ANO6: variants seen among roughly 807,000 people sequenced by gnomAD.
The protein encoded by ANO6 is anoctamin 6.
A neutral mutation model predicts 117.5 loss-of-function variants in ANO6; 106 were observed. The observed-to-expected ratio is 0.90, with a 90% CI of 0.77 to 1.06. ANO6 has a LOEUF of 1.06. ANO6 is among the 50% of genes least tolerant of loss of function. The probability of loss-of-function intolerance (pLI) is 0.00; values close to 1 mark genes in which losing one functional copy is unlikely to be tolerated. For missense variants in ANO6, 955 were observed against 1,121.1 expected, an observed-to-expected ratio of 0.85 and a Z score of 2.12; for synonymous variants, 367 against 385.1, an observed-to-expected ratio of 0.95 and a Z score of 0.55.
intron 6 of ANO6, among the ~76,000 whole-genome samples, chr12:45,349,752 A>T (rs536490640): frequency 6.6e-6 from 1 of 152,332 alleles, no homozygotes; most frequent in South Asian, 2.1e-4. Flanking sequence ...TGATCCTAAG[A>T]GACCCAATGT....
intron 9 of ANO6, among the ~76,000 whole-genome samples, chr12:45,376,009 G>GA (rs1234131236): frequency 6.7e-6 from 1 of 149,788 alleles, no homozygotes; most frequent in Non-Finnish European, 1.5e-5. Flanking sequence ...AAATTTACAA[G>GA]AAAAAAACAA....
chr12:45,399,407 G>T (rs1942723297), intron 12 of ANO6, among the ~76,000 whole-genome samples: 3 of 152,016 alleles, frequency 2.0e-5, no homozygotes, highest in Admixed American at 1.3e-4. Flanking sequence ...TGTTGGCCAG[G>T]CTTGTCTGGA....
chr12:45,365,467 A>G (rs1166530733), intron 8 of ANO6, among the ~76,000 whole-genome samples: 1 of 152,212 alleles, frequency 6.6e-6, no homozygotes, highest in Non-Finnish European at 1.5e-5. Context: ...GATTGCTTTC[A>G]ACACTTTGGT....
At chr12:45,390,042 G>C (rs1439923036) in intron 11 of ANO6, among the ~76,000 whole-genome samples, 1 of 152,172 alleles carries the variant, frequency 6.6e-6, no homozygotes, top group African/African-American at 2.4e-5. Context: ...CCTAGTATTT[G>C]CAGACATCTA....
In ANO6 at chr12:45,403,221, G is replaced by A; in HGVS notation, c.1762G>A (p.Gly588Arg). The change falls in exon 14 of 20, where the codon GGA becomes AGA. Residue 588 changes from glycine (G) to arginine (R), a missense_variant. By Grantham distance (125) the Gly-to-Arg change is moderately radical. Coordinates refer to ENST00000320560, the MANE Select transcript of ANO6 (RefSeq NM_001025356.3). ...TCCAGGAGACCCAGTTTATTGGTTG[G>A]GAAAATACAGAAATGAAGAGGTATG... ...GYPGDPVYWL[G>R]KYRNEECDPG... is the part of the protein sequence containing the mutation. 3 of 1,613,722 alleles carry A rather than the reference G, an allele frequency of 1.9e-6. No homozygotes were observed. Among genetic ancestry groups the A allele is most frequent in the Non-Finnish European group, 2.5e-6 (3 of 1,179,830 alleles).
At chr12:45,258,863 T>C (rs1031301984) in intron 1 of ANO6, among the ~76,000 whole-genome samples, 4 of 152,218 alleles carry the variant, frequency 2.6e-5, no homozygotes, top group Admixed American at 2.0e-4. Flanking sequence ...TGTTAAGTTA[T>C]AGTCCATGCC....
chr12:45,289,367 C>A (rs1017176882), intron 1 of ANO6, among the ~76,000 whole-genome samples: 6 of 151,928 alleles, frequency 3.9e-5, no homozygotes, highest in Non-Finnish European at 5.9e-5. Flanking sequence ...TGGGGTTTCA[C>A]CATTTTGGTC....
Position 45,217,889 on chromosome 12 carries a change from A to G in ANO6, c.70+1498A>G, listed in dbSNP as rs77333634. The stretch of plus-strand genomic sequence containing the variant: ...CTGCACTGTTTATAATGAGTATTGT[A>G]AGTAAATAAGGGCAGAAGCTCAAAT... On this transcript the variant is annotated intron_variant, in intron 1 of 19. Coordinates refer to ENST00000320560, the MANE Select transcript of ANO6 (RefSeq NM_001025356.3). Among the ~76,000 whole-genome samples, 299 of 152,330 alleles carry G rather than the reference A, an allele frequency of 2.0e-3. 2 individuals carry two copies. The East Asian group carries it at 0.025, about 13-fold the overall frequency.
chr12:45,315,000 T>C (rs939632866), intron 2 of ANO6, among the ~76,000 whole-genome samples: 33 of 151,786 alleles, frequency 2.2e-4, no homozygotes, highest in African/African-American at 8.0e-4. Context: ...TCTTGGGAAG[T>C]GGGAGGAGAG....
chr12:45,227,401 G>A (rs1297115514), intron 1 of ANO6, among the ~76,000 whole-genome samples: 1 of 152,222 alleles, frequency 6.6e-6, no homozygotes, highest in African/African-American at 2.4e-5. Context: ...CTTACGGTCA[G>A]ATGACCTCAG....
chr12:45,320,704 T>A (rs1173781982), intron 2 of ANO6, among the ~76,000 whole-genome samples: 1 of 152,212 alleles, frequency 6.6e-6, no homozygotes, highest in African/African-American at 2.4e-5. Context: ...ATCTGTCTAA[T>A]GTTGACAGTG....
chr12:45,262,280 A>G (rs1938063620), intron 1 of ANO6, among the ~76,000 whole-genome samples: 1 of 152,188 alleles, frequency 6.6e-6, no homozygotes, highest in Admixed American at 6.5e-5. Flanking sequence ...TTGCCTCATA[A>G]GCACTCTCTG....
At chr12:45,229,878 C>G (rs192979772) in intron 1 of ANO6, among the ~76,000 whole-genome samples, 436 of 128,646 alleles carry the variant, frequency 3.4e-3, no homozygotes, top group African/African-American at 9.9e-3. Context: ...GCCCACCCCC[C>G]ACCCGTAAGA....
At chr12:45,434,171 C>G (rs1427722704), downstream of ANO6, among the ~76,000 whole-genome samples, 3 of 152,186 alleles carry the variant, frequency 2.0e-5, no homozygotes, top group African/African-American at 7.2e-5. Context: ...CCACTTCGCA[C>G]AGGAACTCAA....
chr12:45,315,449 G>A (rs947219637), intron 2 of ANO6, among the ~76,000 whole-genome samples: 12 of 151,828 alleles, frequency 7.9e-5, no homozygotes, highest in South Asian at 4.2e-4. Flanking sequence ...AGGGAGAAGC[G>A]AATCAAAGAT....
intron 1 of ANO6, among the ~76,000 whole-genome samples, chr12:45,279,288 G>A (rs943738196): frequency 6.6e-6 from 1 of 152,280 alleles, no homozygotes; most frequent in Non-Finnish European, 1.5e-5. Flanking sequence ...TAATTTAAAT[G>A]AAATTGCTTC....
intron 1 of ANO6, among the ~76,000 whole-genome samples, chr12:45,262,127 A>G (rs972838443): frequency 3.3e-5 from 5 of 152,160 alleles, no homozygotes; most frequent in Non-Finnish European, 7.3e-5. Flanking sequence ...GAAAACTGCA[A>G]ATAAAACAAA....
intron 19 of ANO6, 77 bp downstream of exon 19, chr12:45,423,139 A>T: frequency 9.7e-7 from 1 of 1,031,312 alleles, no homozygotes; most frequent in Non-Finnish European, 1.5e-6. Flanking sequence ...CCAACTCCAT[A>T]CTTAACATGT....
intron 1 of ANO6, among the ~76,000 whole-genome samples, chr12:45,274,821 A>G (rs527867192): frequency 7.5e-6 from 1 of 132,772 alleles, no homozygotes; most frequent in East Asian, 2.2e-4. Context: ...ACCCTCTGTC[A>G]CCTCCCAACT....
Sources: allele counts gnomAD v4.1 joint callset (sites outside exome capture counted in the v4.1 genomes callset), GRCh38; gene constraint gnomAD v4.1.1; transcripts MANE v1.5; gene names NCBI Gene and HGNC (gene_info 2026-07-23, HGNC 2026-07-21).